GPCPD1: variants seen among roughly 807,000 people sequenced by gnomAD.
GPCPD1 encodes glycerophosphocholine phosphodiesterase GPCPD1.
Under a neutral mutation model 89.2 loss-of-function variants are expected in GPCPD1, and 29 were observed. The observed-to-expected ratio is 0.33, with a 90% confidence interval of 0.24 to 0.44. GPCPD1 has a LOEUF of 0.44. Ranked by LOEUF, GPCPD1 falls within the 20% of genes least tolerant of loss-of-function variation. The pLI is 1.00. For synonymous variants in GPCPD1, 258 were observed against 266.3 expected (o/e 0.97, Z 0.30); for missense variants, 594 against 808.9 (o/e 0.73, Z 3.22).
At chr20:5,572,934 G>A (rs1008386162) in intron 11 of GPCPD1, among the ~76,000 whole-genome samples, 6 of 151,946 alleles carry the variant, frequency 3.9e-5, no homozygotes, top group East Asian at 1.9e-4. Context: ...TGCACTGGAC[G>A]GATCATAGCT....
intron 2 of GPCPD1, among the ~76,000 whole-genome samples, chr20:5,604,031 G>A (rs1368625920): frequency 6.6e-6 from 1 of 152,202 alleles, no homozygotes; most frequent in Non-Finnish European, 1.5e-5. Context: ...ACAGGCATAA[G>A]CCACTGCGCC....
intron 19 of GPCPD1, among the ~76,000 whole-genome samples, chr20:5,552,237 T>G (rs1457823379): frequency 1.3e-5 from 2 of 152,140 alleles, no homozygotes; most frequent in African/African-American, 4.8e-5. Context: ...CAGACCCTAT[T>G]AGGAATCCAG....
intron 6 of GPCPD1, among the ~76,000 whole-genome samples, chr20:5,581,814 CTTT>C (rs11479995): frequency 0.027 from 2,024 of 73,822 alleles, no homozygotes; most frequent in Middle Eastern, 0.043. Flanking sequence ...GGGACTTTAA[CTTT>C]TTTTTTTTTT....
chr20:5,575,239 T>C (rs1978286377), intron 10 of GPCPD1, among the ~76,000 whole-genome samples, 174 bp downstream of exon 10: 1 of 152,206 alleles, frequency 6.6e-6, no homozygotes, highest in Non-Finnish European at 1.5e-5. Flanking sequence ...TCAGTAGATA[T>C]ATTAAAAAAC....
chr20:5,550,191 C>CA (rs371826184), intron 19 of GPCPD1, among the ~76,000 whole-genome samples: 2,019 of 102,744 alleles, frequency 0.02, 33 homozygotes, highest in African/African-American at 0.065. Context: ...GAGACTATCT[C>CA]AAAAAAAAAA....
chr20:5,566,135 A>C (rs1254872727), intron 14 of GPCPD1, among the ~76,000 whole-genome samples: 1 of 152,244 alleles, frequency 6.6e-6, no homozygotes, highest in Non-Finnish European at 1.5e-5. Flanking sequence ...TATCACAATT[A>C]CAGATAAACA....
intron 9 of GPCPD1, 49 bp from the exon 10 acceptor site, chr20:5,575,594 G>C: frequency 7.8e-7 from 1 of 1,277,670 alleles, no homozygotes; most frequent in Non-Finnish European, 1.1e-6. Context: ...TGATTAAAAG[G>C]GCCATTATGA....
rs1984951492 is a variant in GPCPD1, at chr20:5,544,617, A to G, written c.*3044T>C. The G allele has an allele frequency of 6.6e-6, 1 of 152,246 alleles. No homozygotes were observed. Among genetic ancestry groups the G allele is most frequent in the Non-Finnish European group, 1.5e-5 (1 of 68,052 alleles). 9.4% of individuals were successfully genotyped at this position (152,246 alleles called of 1,614,324 possible). A position where few individuals can be genotyped will look rare whatever the true frequency, so the allele number is the denominator to read the frequency against. ...GAGCTAACAAATGCCAGACTTCGGA[A>G]GGCAGCGTAGTTTGAGAACATGGGA... On this transcript the variant is annotated 3_prime_UTR_variant, in exon 20 of 20. Coordinates refer to ENST00000379019, the MANE Select transcript of GPCPD1 (RefSeq NM_019593.5).
intron 7 of GPCPD1, among the ~76,000 whole-genome samples, chr20:5,578,981 A>G (rs888179309): frequency 6.6e-6 from 1 of 152,320 alleles, no homozygotes; most frequent in African/African-American, 2.4e-5. Flanking sequence ...TGAGCTCAGA[A>G]GTCTGAGACC....
intron 2 of GPCPD1, among the ~76,000 whole-genome samples, chr20:5,601,353 C>T (rs1980126978): frequency 1.4e-5 from 2 of 144,766 alleles, no homozygotes; most frequent in Admixed American, 1.5e-4. Context: ...GAGGGAGACC[C>T]TGTTAATCTT....
At chr20:5,569,596 T>C (rs757505140) in intron 12 of GPCPD1, among the ~76,000 whole-genome samples, 4 of 152,090 alleles carry the variant, frequency 2.6e-5, no homozygotes, top group Non-Finnish European at 5.9e-5. Flanking sequence ...TCGCCCTGCC[T>C]GCAGTCTCTG....
At chr20:5,604,493 G>A (rs1980407462) in intron 1 of GPCPD1, 53 bp from the exon 2 acceptor site, 1 of 783,240 alleles carries the variant, frequency 1.3e-6, no homozygotes, top group African/African-American at 1.8e-5. Context: ...GCCTTAGCTA[G>A]CCACCATCAA....
intron 4 of GPCPD1, among the ~76,000 whole-genome samples, chr20:5,589,383 G>C (rs182403607): frequency 3.9e-5 from 6 of 152,138 alleles, no homozygotes; most frequent in Non-Finnish European, 4.4e-5. Flanking sequence ...AGGTCAAAGC[G>C]GGTGGATCAC....
chr20:5,598,666 C>A, intron 3 of GPCPD1, 59 bp downstream of exon 3: 3 of 950,646 alleles, frequency 3.2e-6, no homozygotes, highest in East Asian at 2.4e-5. Context: ...TCTTAAAAGC[C>A]CCTAACATCA....
chr20:5,599,044 C>T (rs1175307442), intron 2 of GPCPD1, among the ~76,000 whole-genome samples: 3 of 152,160 alleles, frequency 2.0e-5, no homozygotes, highest in Non-Finnish European at 2.9e-5. Flanking sequence ...AGGGGGAAGG[C>T]ATACGGATGA....
intron 15 of GPCPD1, among the ~76,000 whole-genome samples, chr20:5,562,072 A>C (rs936263120): frequency 6.6e-6 from 1 of 152,236 alleles, no homozygotes; most frequent in Non-Finnish European, 1.5e-5. Context: ...AATTTATATA[A>C]ATGACAAATG....
At chr20:5,593,696 G>A (rs904349017) in intron 3 of GPCPD1, among the ~76,000 whole-genome samples, 1 of 152,300 alleles carries the variant, frequency 6.6e-6, no homozygotes, top group African/African-American at 2.4e-5. Flanking sequence ...TTAAAAGGAA[G>A]GAAGGTTTTA....
At chr20:5,560,917 A>T (rs1986044099) in intron 16 of GPCPD1, among the ~76,000 whole-genome samples, 1 of 152,256 alleles carries the variant, frequency 6.6e-6, no homozygotes, top group Admixed American at 6.5e-5. Context: ...CTGAAATATA[A>T]GTCCCAGGAA....
At chr20:5,592,634 C>CCCTT (rs1160208939) in intron 4 of GPCPD1, among the ~76,000 whole-genome samples, 2 of 152,188 alleles carry the variant, frequency 1.3e-5, no homozygotes, top group Non-Finnish European at 2.9e-5. Flanking sequence ...CCTGCCTAAA[C>CCCTT]CCTTGTTCAT....
Sources: allele counts gnomAD v4.1 joint callset (sites outside exome capture counted in the v4.1 genomes callset), GRCh38; gene constraint gnomAD v4.1.1; transcripts MANE v1.5; gene names NCBI Gene and HGNC (gene_info 2026-07-23, HGNC 2026-07-21).